PREX2: variants seen among roughly 807,000 people sequenced by gnomAD.
The protein encoded by PREX2 is phosphatidylinositol-3,4,5-trisphosphate dependent Rac exchange factor 2.
A neutral mutation model predicts 203.2 loss-of-function variants in PREX2; 107 were observed. The ratio of observed to expected loss-of-function variants is 0.53; its 90% CI spans 0.45 to 0.62. The LOEUF (loss-of-function observed/expected upper bound fraction) is 0.62. Ranked by LOEUF, PREX2 falls within the 20% of genes least tolerant of loss-of-function variation. The pLI, the probability that PREX2 is intolerant of heterozygous loss-of-function variation, is 0.00. For missense variants in PREX2, 1,777 were observed against 1,955.9 expected (o/e 0.91, Z 1.72); for synonymous variants, 672 against 663.6 (o/e 1.01, Z -0.19).
intron 1 of PREX2, among the ~76,000 whole-genome samples, chr8:67,999,633 C>T (rs1388161015): frequency 6.6e-6 from 1 of 152,024 alleles, no homozygotes; most frequent in African/African-American, 2.4e-5. Context: ...CAGCATCATC[C>T]TAACAAAACC....
At chr8:68,017,193 A>G (rs919116673) in intron 1 of PREX2, among the ~76,000 whole-genome samples, 3 of 152,072 alleles carry the variant, frequency 2.0e-5, no homozygotes, top group Admixed American at 6.6e-5. Context: ...GAAGAGTCCA[A>G]ATCTTTGAAT....
intron 37 of PREX2, among the ~76,000 whole-genome samples, chr8:68,206,069 T>C (rs1812618102): frequency 6.6e-6 from 1 of 152,182 alleles, no homozygotes; most frequent in African/African-American, 2.4e-5. Context: ...GCTGGAATTC[T>C]CTAAATATAT....
In PREX2 at chr8:68,118,523, C is replaced by A. The variant is rs776083696; in HGVS notation, c.3327-27C>A. ...GGACACCTGGGCAGATGCACTCTTA[C>A]AGTAACATGAAACCTGTTGTTTTCA... On this transcript the variant is annotated intron_variant, in intron 26 of 39. Coordinates refer to ENST00000288368, the MANE Select transcript of PREX2 (RefSeq NM_024870.4). 7.2e-6 allele frequency: 11 copies of A among 1,529,940 alleles called. No individual in the cohort carries two copies. The Middle Eastern group carries it at 8.5e-4, about 118-fold the overall frequency. The allele number at this position is 1,529,940 out of a possible 1,614,324, so 94.8% of individuals were successfully genotyped here.
At chr8:68,196,900 A>G (rs1353886266) in intron 37 of PREX2, among the ~76,000 whole-genome samples, 1 of 152,138 alleles carries the variant, frequency 6.6e-6, no homozygotes, top group Non-Finnish European at 1.5e-5. Context: ...TAAATTACCT[A>G]GTCTCAGGTA....
intron 39 of PREX2, 46 bp from the exon 40 acceptor site, chr8:68,231,287 T>C: frequency 3.5e-6 from 5 of 1,440,838 alleles, no homozygotes; most frequent in Non-Finnish European, 4.7e-6. Context: ...CCTCATGTAA[T>C]GGTAATACAC....
rs114174763 is a variant in PREX2, at chr8:67,952,490, G to A, written c.96G>A (p.Gln32=). 1,997 of 1,609,298 alleles carry A rather than the reference G, an allele frequency of 1.2e-3. 31 individuals carry two copies. The African/African-American group carries it at 0.023, about 19-fold the overall frequency. ...RLRVCVLSEL[Q]KTERDYVGTL... Reference sequence around the variant, plus strand: ...GCGTGTGCGTGCTCAGCGAGCTCCAGAAGACCGAGCGGGACTATGTGGGCA... The same window carrying A: ...GCGTGTGCGTGCTCAGCGAGCTCCAAAAGACCGAGCGGGACTATGTGGGCA... The change falls in exon 1 of 40, where the codon CAG becomes CAA. Residue 32 remains glutamine, a synonymous_variant. Coordinates refer to ENST00000288368, the MANE Select transcript of PREX2 (RefSeq NM_024870.4).
chr8:68,124,349 G>A (rs1387181943), intron 30 of PREX2, among the ~76,000 whole-genome samples: 1 of 152,038 alleles, frequency 6.6e-6, no homozygotes, highest in African/African-American at 2.4e-5. Context: ...AAACATGAAT[G>A]GAGCTGGAGT....
intron 37 of PREX2, among the ~76,000 whole-genome samples, chr8:68,203,154 G>C (rs1812542154): frequency 6.6e-6 from 1 of 152,084 alleles, no homozygotes; most frequent in Non-Finnish European, 1.5e-5. Context: ...CCTCTCAGCA[G>C]AACGGGCTCA....
chr8:67,985,056 G>A (rs1354452381), intron 1 of PREX2, among the ~76,000 whole-genome samples: 1 of 151,870 alleles, frequency 6.6e-6, no homozygotes, highest in East Asian at 1.9e-4. Flanking sequence ...AGTGACCAGA[G>A]CAACATGACA....
chr8:68,159,879 A>G (rs1811620852), intron 35 of PREX2, among the ~76,000 whole-genome samples: 1 of 152,188 alleles, frequency 6.6e-6, no homozygotes, highest in Admixed American at 6.6e-5. Flanking sequence ...GAGAAATGTG[A>G]TACAGAGAAA....
intron 1 of PREX2, among the ~76,000 whole-genome samples, chr8:67,986,893 T>A (rs1446428759): frequency 6.6e-6 from 1 of 152,026 alleles, no homozygotes; most frequent in African/African-American, 2.4e-5. Flanking sequence ...TGGCCAGGGA[T>A]GGTGGCTCAC....
At chr8:68,014,173 A>T (rs776561906) in intron 1 of PREX2, among the ~76,000 whole-genome samples, 9 of 152,224 alleles carry the variant, frequency 5.9e-5, no homozygotes, top group Non-Finnish European at 1.3e-4. Context: ...ATCTTATTTC[A>T]TCTTAATGAG....
At chr8:68,139,772 G>A (rs73264948) in intron 33 of PREX2, among the ~76,000 whole-genome samples, 2,665 of 152,300 alleles carry the variant, frequency 0.017, 91 homozygotes, top group African/African-American at 0.061. Context: ...TCTGATGAAT[G>A]AGGAAGAGAA....
At chr8:67,958,867 T>G (rs1805557996) in intron 1 of PREX2, among the ~76,000 whole-genome samples, 1 of 152,080 alleles carries the variant, frequency 6.6e-6, no homozygotes, top group South Asian at 2.1e-4. Context: ...AGAACAGCAC[T>G]AGGAGGAAAA....
intron 1 of PREX2, among the ~76,000 whole-genome samples, chr8:67,956,719 A>G (rs967844784): frequency 6.6e-6 from 1 of 152,220 alleles, no homozygotes; most frequent in Non-Finnish European, 1.5e-5. Flanking sequence ...GAGTGCTATT[A>G]ATAATGACAC....
intron 13 of PREX2, among the ~76,000 whole-genome samples, chr8:68,071,353 G>A (rs1809190081): frequency 6.6e-6 from 1 of 152,128 alleles, no homozygotes; most frequent in Non-Finnish European, 1.5e-5. Context: ...AAGAGCCGTA[G>A]ACTTGCATAT....
At chr8:68,206,602 C>G (rs1812630791) in intron 37 of PREX2, among the ~76,000 whole-genome samples, 1 of 152,198 alleles carries the variant, frequency 6.6e-6, no homozygotes, top group African/African-American at 2.4e-5. Context: ...AGCAGAAGAG[C>G]TACCCTTGAA....
At chr8:68,060,853 T>C in intron 11 of PREX2, 74 bp downstream of exon 11, 2 of 977,706 alleles carry the variant, frequency 2.0e-6, no homozygotes, top group Non-Finnish European at 3.1e-6. Context: ...TTTATCAGTT[T>C]AGTTTACAAT....
intron 9 of PREX2, among the ~76,000 whole-genome samples, chr8:68,053,929 T>G (rs954364106): frequency 1.3e-5 from 2 of 152,246 alleles, no homozygotes; most frequent in African/African-American, 4.8e-5. Context: ...CAAAAAGGCA[T>G]ATTTCTATAA....
Sources: allele counts gnomAD v4.1 joint callset (sites outside exome capture counted in the v4.1 genomes callset), GRCh38; gene constraint gnomAD v4.1.1; transcripts MANE v1.5; gene names NCBI Gene and HGNC (gene_info 2026-07-23, HGNC 2026-07-21).